NELL1: variants seen among roughly 807,000 people sequenced by gnomAD.
NELL1 encodes the protein neural EGFL like 1.
A neutral mutation model predicts 107.4 loss-of-function variants in NELL1; 76 were observed. The observed-to-expected ratio is 0.71, with a 90% CI of 0.59 to 0.86. NELL1 has a LOEUF of 0.86. NELL1 is among the 40% of genes least tolerant of loss of function. NELL1 has a pLI of 0.00. For synonymous variants in NELL1, 353 were observed against 341.2 expected (o/e 1.03, Z -0.38); for missense variants, 1,024 against 1,005.5 (o/e 1.02, Z -0.25).
intron 15 of NELL1, among the ~76,000 whole-genome samples, chr11:21,410,848 G>C (rs1338594367): frequency 6.6e-6 from 1 of 152,064 alleles, no homozygotes; most frequent in Admixed American, 6.6e-5. Flanking sequence ...GGAATTAGAC[G>C]CTATGGCTGG....
intron 13 of NELL1, among the ~76,000 whole-genome samples, chr11:21,195,882 G>A (rs151238543): frequency 3.1e-3 from 468 of 152,304 alleles, no homozygotes; most frequent in African/African-American, 0.01. Context: ...CAAGCTCACA[G>A]TTTATTCAGT....
intron 4 of NELL1, among the ~76,000 whole-genome samples, chr11:20,881,100 T>C (rs1003217317): frequency 6.6e-6 from 1 of 152,186 alleles, no homozygotes; most frequent in Non-Finnish European, 1.5e-5. Context: ...CCTTCAAGCT[T>C]TGATACATGA....
intron 14 of NELL1, among the ~76,000 whole-genome samples, chr11:21,278,953 A>G (rs1290804377): frequency 1.3e-5 from 2 of 152,298 alleles, no homozygotes; most frequent in East Asian, 3.9e-4. Flanking sequence ...GCAAGAGACT[A>G]GAGAGCCAGA....
At chr11:21,395,908 CA>C (rs376377353) in intron 15 of NELL1, among the ~76,000 whole-genome samples, 2 of 150,838 alleles carry the variant, frequency 1.3e-5, no homozygotes, top group African/African-American at 2.4e-5. Flanking sequence ...ATAAAACAAA[CA>C]AAAAAACAAA....
At chr11:21,257,276 T>A (rs1012047757) in intron 14 of NELL1, among the ~76,000 whole-genome samples, 4 of 152,018 alleles carry the variant, frequency 2.6e-5, no homozygotes, top group African/African-American at 7.2e-5. Flanking sequence ...CATTCTGAAG[T>A]AGATATTTTA....
intron 15 of NELL1, among the ~76,000 whole-genome samples, chr11:21,515,173 C>G (rs1855526315): frequency 6.6e-6 from 1 of 152,116 alleles, no homozygotes. Flanking sequence ...CAGTACAGAC[C>G]TTCATGTGGT....
chr11:21,247,630 G>A (rs1342003920), intron 14 of NELL1, among the ~76,000 whole-genome samples: 4 of 152,130 alleles, frequency 2.6e-5, no homozygotes, highest in Non-Finnish European at 4.4e-5. Context: ...GGACCTACGT[G>A]GGGTATTTTG....
intron 15 of NELL1, among the ~76,000 whole-genome samples, chr11:21,518,829 GT>G (rs756774870): frequency 6.6e-6 from 1 of 152,140 alleles, no homozygotes; most frequent in Non-Finnish European, 1.5e-5. Context: ...TTTCAGACTT[GT>G]TTCCTTTAGC....
chr11:21,340,024 C>T (rs1393325897), intron 14 of NELL1, among the ~76,000 whole-genome samples: 1 of 152,218 alleles, frequency 6.6e-6, no homozygotes, highest in Non-Finnish European at 1.5e-5. Flanking sequence ...TTCAGAGATG[C>T]AGAGGCTCTA....
At chr11:21,144,814 C>A (rs998204706) in intron 13 of NELL1, among the ~76,000 whole-genome samples, 12 of 152,126 alleles carry the variant, frequency 7.9e-5, no homozygotes, top group South Asian at 2.1e-4. Flanking sequence ...GAGAGAAAGG[C>A]TGACAGACTC....
chr11:21,487,977 A>C (rs1052220737), intron 15 of NELL1, among the ~76,000 whole-genome samples: 1 of 152,174 alleles, frequency 6.6e-6, no homozygotes, highest in African/African-American at 2.4e-5. Context: ...GCAAAAATAG[A>C]ACATAACAAT....
At chr11:21,079,039 C>T (rs1162986649) in intron 12 of NELL1, among the ~76,000 whole-genome samples, 1 of 147,984 alleles carries the variant, frequency 6.8e-6, no homozygotes, top group Admixed American at 6.7e-5. Flanking sequence ...AGACTGATAA[C>T]TAAAAAAAAA....
intron 13 of NELL1, among the ~76,000 whole-genome samples, chr11:21,181,632 T>C (rs1856828530): frequency 6.6e-6 from 1 of 151,898 alleles, no homozygotes. Flanking sequence ...AACTATACAT[T>C]CAGTAAGAAG....
At chr11:21,362,554 C>T (rs7926858) in intron 14 of NELL1, among the ~76,000 whole-genome samples, 71,461 of 152,014 alleles carry the variant, frequency 0.47, 17,927 homozygotes, top group Non-Finnish European at 0.56. Flanking sequence ...AATTAGGTGT[C>T]GTCTTCTTCT....
chr11:21,169,820 G>A (rs1565094092), intron 13 of NELL1: 2 of 1,406,880 alleles, frequency 1.4e-6, no homozygotes, highest in Admixed American at 1.8e-5. Flanking sequence ...TCAGCCTGCT[G>A]AGCCCGATGC....
chr11:21,056,388 A>C (rs1345860501), intron 12 of NELL1, among the ~76,000 whole-genome samples: 1 of 152,164 alleles, frequency 6.6e-6, no homozygotes, highest in Admixed American at 6.6e-5. Flanking sequence ...TGTAGCAGAA[A>C]GACTTCCCCT....
intron 2 of NELL1, among the ~76,000 whole-genome samples, chr11:20,722,654 C>A (rs1179406104): frequency 1.3e-5 from 2 of 152,142 alleles, no homozygotes. Flanking sequence ...ATGAGACAAT[C>A]ATTTTCTACA....
At chr11:21,545,178 G>T (rs999915406) in intron 16 of NELL1, among the ~76,000 whole-genome samples, 3 of 151,986 alleles carry the variant, frequency 2.0e-5, no homozygotes, top group African/African-American at 7.2e-5. Context: ...CAGATATTTT[G>T]TCTTCTTTCC....
intron 2 of NELL1, among the ~76,000 whole-genome samples, chr11:20,762,575 G>C (rs1270144961): frequency 6.6e-6 from 1 of 152,140 alleles, no homozygotes; most frequent in African/African-American, 2.4e-5. Flanking sequence ...GAACGACTGG[G>C]TGTGTGGCAT....
Sources: gnomAD v4.1 joint callset for allele counts (sites outside exome capture counted in the v4.1 genomes callset) on GRCh38, gnomAD v4.1.1 for gene constraint, MANE v1.5 for transcripts, NCBI Gene and HGNC (gene_info 2026-07-23, HGNC 2026-07-21) for gene names.